ALK: variants seen among roughly 807,000 people sequenced by gnomAD.
The protein encoded by ALK is ALK tyrosine kinase receptor.
A neutral mutation model predicts 163.1 loss-of-function variants in ALK; 74 were observed. The observed-to-expected ratio is 0.45, with a 90% CI of 0.38 to 0.55. The LOEUF is 0.55. ALK is among the 20% of genes least tolerant of loss of function. The pLI, the probability that ALK is intolerant of heterozygous loss-of-function variation, is 0.00. For synonymous variants in ALK, 960 were observed against 843.2 expected (o/e 1.14, Z -2.40); for missense variants, 2,063 against 2,105.3 (o/e 0.98, Z 0.39).
intron 11 of ALK, among the ~76,000 whole-genome samples, chr2:29,272,898 C>A (rs1442119119): frequency 6.6e-6 from 1 of 152,220 alleles, no homozygotes; most frequent in Non-Finnish European, 1.5e-5. Flanking sequence ...GGCCCTACTG[C>A]CTTCCAGCCT....
intron 3 of ALK, among the ~76,000 whole-genome samples, chr2:29,629,686 C>T (rs888198619): frequency 6.6e-6 from 1 of 152,148 alleles, no homozygotes; most frequent in Admixed American, 6.5e-5. Context: ...AGTAATGTTA[C>T]TCAGTAATGA....
chr2:29,767,223 G>A (rs1246252988), intron 1 of ALK, among the ~76,000 whole-genome samples: 1 of 152,146 alleles, frequency 6.6e-6, no homozygotes, highest in Non-Finnish European at 1.5e-5. Context: ...GCTTAAACAG[G>A]CCAAGTTACT....
Position 29,246,632 on chromosome 2 carries a change from C to T in ALK, c.2204+4473G>A, listed in dbSNP as rs1456047097. Among the ~76,000 whole-genome samples the T allele has an allele frequency of 6.6e-6, 1 of 152,156 alleles. No homozygotes were observed. Among genetic ancestry groups the T allele is most frequent in the Non-Finnish European group, 1.5e-5 (1 of 68,024 alleles). ...TTTGTCCTCGCTTCCTCAGTCCATGCCAGAGCGTGGATGTAGTCCCAGCGT... is the reference window on the plus strand; with the variant it reads ...TTTGTCCTCGCTTCCTCAGTCCATGTCAGAGCGTGGATGTAGTCCCAGCGT... On this transcript the variant is annotated intron_variant, in intron 12 of 28. Transcript: ENST00000389048. This position sits in a 1 kb window ranked among gnomAD's most constrained non-coding sequence, Gnocchi z 4.3.
chr2:29,573,533 C>T (rs1674437718), intron 3 of ALK, among the ~76,000 whole-genome samples: 1 of 152,126 alleles, frequency 6.6e-6, no homozygotes, highest in Admixed American at 6.5e-5. Context: ...CTCTATTGCC[C>T]AGGTGACATG....
At chr2:29,783,803 A>G (rs1268635292) in intron 1 of ALK, among the ~76,000 whole-genome samples, 2 of 152,178 alleles carry the variant, frequency 1.3e-5, no homozygotes, top group Admixed American at 6.5e-5. Flanking sequence ...CTGGGGATAG[A>G]GGACCCTCCC....
chr2:29,768,884 A>G (rs147118840), intron 1 of ALK, among the ~76,000 whole-genome samples: 26 of 151,900 alleles, frequency 1.7e-4, no homozygotes, highest in African/African-American at 6.0e-4. Flanking sequence ...CCCAGGCTGG[A>G]GTGCAGGAGC....
At chr2:29,794,818 A>G (rs912827512) in intron 1 of ALK, among the ~76,000 whole-genome samples, 17 of 152,170 alleles carry the variant, frequency 1.1e-4, no homozygotes, top group Non-Finnish European at 7.4e-5. Context: ...ACATATCACC[A>G]TAACAGATAT....
chr2:29,436,180 T>C (rs1670391423), intron 4 of ALK, among the ~76,000 whole-genome samples: 1 of 152,196 alleles, frequency 6.6e-6, no homozygotes, highest in South Asian at 2.1e-4. Context: ...TACTTGGCAT[T>C]CATTCATTAA....
chr2:29,309,519 T>C lies in ALK; in HGVS notation c.1647+8785A>G, dbSNP rs75105501. Among the ~76,000 whole-genome samples, 376 of 152,334 alleles carry C rather than the reference T, an allele frequency of 2.5e-3. 1 individual carries two copies. Among genetic ancestry groups the C allele is most frequent in the African/African-American group, 8.8e-3 (366 of 41,582 alleles). ...TGCAGTTACAATTGCTGTTGATTAC[T>C]GCAGGCATTAGCAAGTGCTCTGGCA... On this transcript the variant is annotated intron_variant, in intron 8 of 28. Coordinates refer to ENST00000389048, the MANE Select transcript of ALK (RefSeq NM_004304.5).
At chr2:29,584,415 G>A (rs143000019) in intron 3 of ALK, among the ~76,000 whole-genome samples, 1 of 152,304 alleles carries the variant, frequency 6.6e-6, no homozygotes, top group African/African-American at 2.4e-5. Context: ...ATTGGAGCAG[G>A]CCTGTATTGA....
chr2:29,882,708 A>C (rs770576677), intron 1 of ALK, among the ~76,000 whole-genome samples: 2 of 152,172 alleles, frequency 1.3e-5, no homozygotes, highest in Non-Finnish European at 2.9e-5. Context: ...GAACTAGATA[A>C]TACCAAGGAG....
intron 1 of ALK, among the ~76,000 whole-genome samples, chr2:29,890,173 G>T (rs956811468): frequency 1.3e-5 from 2 of 152,188 alleles, no homozygotes; most frequent in Non-Finnish European, 2.9e-5. Context: ...TTTTATGTCA[G>T]TGTGCCTTTT....
At chr2:29,863,829 T>C (rs1041249376) in intron 1 of ALK, among the ~76,000 whole-genome samples, 1 of 152,186 alleles carries the variant, frequency 6.6e-6, no homozygotes, top group Non-Finnish European at 1.5e-5. Context: ...TGCACTCCCA[T>C]GTTGATTGCA....
chr2:29,418,357 G>GT (rs1209678786), intron 4 of ALK, among the ~76,000 whole-genome samples: 1 of 152,140 alleles, frequency 6.6e-6, no homozygotes, highest in African/African-American at 2.4e-5. Flanking sequence ...CTACTCTCTT[G>GT]TTTTTACAAT....
At chr2:29,388,032 G>A (rs1041569316) in intron 4 of ALK, among the ~76,000 whole-genome samples, 1 of 152,080 alleles carries the variant, frequency 6.6e-6, no homozygotes, top group African/African-American at 2.4e-5. Flanking sequence ...TAGACACACT[G>A]GCCAGATAGT....
rs1048975476 is a variant in ALK at position 29,683,148 on chromosome 2, A to G, written c.952+11702T>C. On this transcript the variant is annotated intron_variant, in intron 3 of 28. Transcript: ENST00000389048. Reference sequence around the variant, plus strand: ...TCTCAGCACTTTGGGTGACCGAGGCAGGAGGATCACTTGAGGTCAGGAGTT... The same window carrying G: ...TCTCAGCACTTTGGGTGACCGAGGCGGGAGGATCACTTGAGGTCAGGAGTT... Among the ~76,000 whole-genome samples the G allele has an allele frequency of 4.2e-4, 64 of 152,124 alleles. 1 individual carries two copies. The highest frequency in any genetic ancestry group is 4.1e-4 in the Non-Finnish European group (28 of 67,994).
intron 3 of ALK, among the ~76,000 whole-genome samples, chr2:29,671,428 G>C (rs1264542297): frequency 6.6e-6 from 1 of 152,034 alleles, no homozygotes; most frequent in East Asian, 1.9e-4. Context: ...TCCATGGCTG[G>C]AGACGGCAGT....
intron 1 of ALK, among the ~76,000 whole-genome samples, chr2:29,823,452 G>A (rs1383021332): frequency 1.3e-5 from 2 of 152,204 alleles, no homozygotes; most frequent in Non-Finnish European, 2.9e-5. Context: ...ACAGGAAAAT[G>A]TGGGAAACTT....
At chr2:29,569,283 A>G (rs1674285536) in intron 3 of ALK, among the ~76,000 whole-genome samples, 1 of 107,182 alleles carries the variant, frequency 9.3e-6, no homozygotes, top group African/African-American at 3.4e-5. Flanking sequence ...CTATAATTAC[A>G]GCAACAGCTG....
Sources: allele counts gnomAD v4.1 joint callset (sites outside exome capture counted in the v4.1 genomes callset), GRCh38; gene constraint gnomAD v4.1.1; non-coding constraint Gnocchi (gnomAD v3.1); transcripts MANE v1.5; gene names NCBI Gene and HGNC (gene_info 2026-07-23, HGNC 2026-07-21).